GABRB1: variants seen among roughly 807,000 people sequenced by gnomAD.
GABRB1 encodes the protein gamma-aminobutyric acid receptor subunit beta-1.
In GABRB1, 17 loss-of-function variants were observed where a neutral mutation model predicts 51.6. That is an observed-to-expected ratio of 0.33 (90% confidence interval 0.23 to 0.49). The LOEUF (loss-of-function observed/expected upper bound fraction) is 0.49. Among genes scored for constraint, GABRB1 ranks in the 20% least tolerant of loss-of-function variants. The pLI, the probability that GABRB1 is intolerant of heterozygous loss-of-function variation, is 0.99. For missense variants in GABRB1, 410 were observed against 600.6 expected (o/e 0.68, Z 3.32); for synonymous variants, 247 against 218.9 (o/e 1.13, Z -1.14).
chr4:47,362,877 C>T (rs1274540509), intron 5 of GABRB1, among the ~76,000 whole-genome samples: 2 of 152,064 alleles, frequency 1.3e-5, no homozygotes, highest in East Asian at 3.8e-4. Flanking sequence ...CCTCAAGATG[C>T]TCATCAAATA....
intron 3 of GABRB1, among the ~76,000 whole-genome samples, chr4:47,093,467 A>G (rs1356999693): frequency 2.0e-5 from 3 of 152,138 alleles, no homozygotes; most frequent in African/African-American, 7.2e-5. Context: ...CCAAAACAAA[A>G]CCATAAGCTT....
intron 4 of GABRB1, among the ~76,000 whole-genome samples, chr4:47,263,313 G>A (rs572603111): frequency 4.6e-5 from 7 of 152,036 alleles, no homozygotes; most frequent in African/African-American, 1.7e-4. Context: ...GTGGATGCAA[G>A]GAGGATTACC....
rs569144590 is a variant in GABRB1, at chr4:47,056,309, T to A, written c.240+23825T>A. Among the ~76,000 whole-genome samples, 10 of 152,290 alleles carry A rather than the reference T, an allele frequency of 6.6e-5. 1 individual carries two copies. The highest frequency in any genetic ancestry group is 1.9e-4 in the African/African-American group (8 of 41,582). On this transcript the variant is annotated intron_variant, in intron 3 of 8. Transcript: ENST00000295454. ...TCTTTCTTCTTTTAGGAAGCCACCC[T>A]CTCCGACCCAGCTTAGAAGGCATTT...
At chr4:47,384,722 T>C (rs886202837) in intron 5 of GABRB1, among the ~76,000 whole-genome samples, 21 of 152,338 alleles carry the variant, frequency 1.4e-4, no homozygotes, top group Admixed American at 1.0e-3. Flanking sequence ...CCTCTGTTTC[T>C]ATTTTACTTG....
intron 4 of GABRB1, among the ~76,000 whole-genome samples, chr4:47,282,184 A>T (rs957483153): frequency 6.6e-6 from 1 of 152,232 alleles, no homozygotes; most frequent in South Asian, 2.1e-4. Context: ...AAAAATTTTT[A>T]AAAACTATAT....
intron 3 of GABRB1, among the ~76,000 whole-genome samples, chr4:47,064,034 T>C (rs1669002988): frequency 6.6e-6 from 1 of 152,198 alleles, no homozygotes; most frequent in Non-Finnish European, 1.5e-5. Flanking sequence ...CATACCCATG[T>C]ATCCCAGAAC....
Position 47,250,613 on chromosome 4 carries a change from A to G in GABRB1, c.462-69514A>G, listed in dbSNP as rs185654110. 1.1e-4 allele frequency among the ~76,000 whole-genome samples: 17 copies of G among 152,250 alleles called. No homozygotes were observed. The East Asian group carries it at 2.1e-3, about 19-fold the overall frequency. The stretch of plus-strand genomic sequence containing the variant: ...TTAGTGTTAGGTTTGGTCATTTAAC[A>G]TAATCCCAGACTTCTTGGAGGCTTT... On this transcript the variant is annotated intron_variant, in intron 4 of 8. Coordinates refer to ENST00000295454, the MANE Select transcript of GABRB1 (RefSeq NM_000812.4).
intron 4 of GABRB1, among the ~76,000 whole-genome samples, chr4:47,295,366 T>A (rs1420005703): frequency 6.6e-6 from 1 of 151,794 alleles, no homozygotes; most frequent in Non-Finnish European, 1.5e-5. Flanking sequence ...TTGAAAAAAA[T>A]TTAGACGAAT....
chr4:47,136,537 C>T (rs1248403965), intron 3 of GABRB1, among the ~76,000 whole-genome samples: 1 of 151,576 alleles, frequency 6.6e-6, no homozygotes, highest in Non-Finnish European at 1.5e-5. Flanking sequence ...TATATAAAAA[C>T]AAAGAATGAA....
intron 3 of GABRB1, among the ~76,000 whole-genome samples, chr4:47,119,276 T>A (rs1215188819): frequency 6.6e-6 from 1 of 152,030 alleles, no homozygotes; most frequent in Admixed American, 6.5e-5. Context: ...ATACCCCAAA[T>A]AAATTTCAGA....
rs567430143 is a variant in GABRB1, at chr4:47,087,994, T to C, written c.240+55510T>C. ...CTTGATTATGCAAAATGGCAATTTC[T>C]ACGTTTCATGATATTATGTGGAAAT... is the stretch of plus-strand genomic sequence containing the variant. On this transcript the variant is annotated intron_variant, in intron 3 of 8. Transcript: ENST00000295454. Among the ~76,000 whole-genome samples the C allele has an allele frequency of 1.2e-4, 19 of 152,354 alleles. No individual in the cohort carries two copies. The East Asian group carries it at 3.7e-3, about 29-fold the overall frequency.
intron 5 of GABRB1, among the ~76,000 whole-genome samples, chr4:47,380,787 C>G (rs1449922073): frequency 3.3e-5 from 5 of 152,080 alleles, no homozygotes; most frequent in African/African-American, 1.2e-4. Flanking sequence ...AGGCACTGGA[C>G]TTCATAATCT....
intron 5 of GABRB1, among the ~76,000 whole-genome samples, chr4:47,361,079 T>G (rs1425425636): frequency 6.6e-6 from 1 of 152,084 alleles, no homozygotes; most frequent in African/African-American, 2.4e-5. Context: ...TTAAACCTAG[T>G]TAATTTGGCT....
intron 5 of GABRB1, among the ~76,000 whole-genome samples, chr4:47,328,898 C>G (rs1360075487): frequency 6.7e-6 from 1 of 149,262 alleles, no homozygotes. Context: ...GCACACGTAC[C>G]CTAAAACTTA....
intron 5 of GABRB1, among the ~76,000 whole-genome samples, chr4:47,346,955 C>G (rs1169076825): frequency 2.6e-5 from 4 of 152,152 alleles, no homozygotes; most frequent in Non-Finnish European, 5.9e-5. Flanking sequence ...GACAACTGTT[C>G]TGCTCAACCT....
At chr4:47,387,278 T>A (rs549023973) in intron 5 of GABRB1, among the ~76,000 whole-genome samples, 35 of 152,260 alleles carry the variant, frequency 2.3e-4, no homozygotes, top group African/African-American at 8.4e-4. Flanking sequence ...CTGGTCAACA[T>A]GAAGAAACCC....
intron 4 of GABRB1, among the ~76,000 whole-genome samples, chr4:47,176,107 T>C (rs1718685545): frequency 6.6e-6 from 1 of 152,152 alleles, no homozygotes; most frequent in South Asian, 2.1e-4. Context: ...ATGAATTCTT[T>C]TGTGCCTCTT....
intron 4 of GABRB1, among the ~76,000 whole-genome samples, chr4:47,204,216 A>G (rs1204919361): frequency 6.6e-6 from 1 of 152,160 alleles, no homozygotes; most frequent in Non-Finnish European, 1.5e-5. Context: ...TGCATGGTGC[A>G]TGTGTGCTCT....
intron 4 of GABRB1, among the ~76,000 whole-genome samples, chr4:47,196,094 C>T (rs758689908): frequency 2.0e-5 from 3 of 152,112 alleles, no homozygotes; most frequent in Non-Finnish European, 4.4e-5. Context: ...ATAGTGTATC[C>T]TAAAAGGAAC....
Sources: gnomAD v4.1 joint callset for allele counts (sites outside exome capture counted in the v4.1 genomes callset) on GRCh38, gnomAD v4.1.1 for gene constraint, MANE v1.5 for transcripts, NCBI Gene and HGNC (gene_info 2026-07-23, HGNC 2026-07-21) for gene names.